Variants in COL5A2 observed in about 807,000 individuals in gnomAD.
COL5A2 encodes the protein collagen type V alpha 2 chain.
A neutral mutation model predicts 208.2 loss-of-function variants in COL5A2; 23 were observed. The ratio of observed to expected loss-of-function variants is 0.11; its 90% confidence interval spans 0.08 to 0.16. The LOEUF is 0.16. COL5A2 is among the 10% of genes least tolerant of loss of function. The probability of loss-of-function intolerance (pLI) is 1.00; values close to 1 mark genes in which losing one functional copy is unlikely to be tolerated. For synonymous variants in COL5A2, 625 were observed against 628.5 expected (o/e 0.99, Z 0.08); for missense variants, 1,590 against 1,956.4 (o/e 0.81, Z 3.53).
the COL5A2 span, among the ~76,000 whole-genome samples, chr2:189,306,475 C>A: frequency 2.0e-5 from 3 of 152,200 alleles, no homozygotes; most frequent in Non-Finnish European, 4.4e-5. Context: ...ATAATAAATG[C>A]ATCTTCATCA....
the COL5A2 span, among the ~76,000 whole-genome samples, chr2:189,387,129 C>T: frequency 4.0e-5 from 6 of 151,488 alleles, no homozygotes; most frequent in African/African-American, 1.5e-4. Flanking sequence ...GAATATTATA[C>T]AGTCATAAAA....
intron 1 of COL5A2, among the ~76,000 whole-genome samples, chr2:189,207,536 A>G (rs536195035): frequency 1.3e-5 from 2 of 152,352 alleles, no homozygotes; most frequent in African/African-American, 2.4e-5. Context: ...TAAGGTTTGC[A>G]AAGATCAATA....
At chr2:189,364,783 A>G in the COL5A2 span, among the ~76,000 whole-genome samples, 64 of 152,358 alleles carry the variant, frequency 4.2e-4, no homozygotes, top group African/African-American at 1.5e-3. Flanking sequence ...ATACTTGACC[A>G]GTATTCCTCA....
At chr2:189,086,686 G>GT (rs1293214435) in intron 9 of COL5A2, 40 bp downstream of exon 9, 23 of 1,494,344 alleles carry the variant, frequency 1.5e-5, no homozygotes, top group Non-Finnish European at 2.1e-5. Flanking sequence ...GTGTGTGTAT[G>GT]TTTTTCTTAC....
chr2:189,289,167 C>T, the COL5A2 span, among the ~76,000 whole-genome samples: 1 of 151,858 alleles, frequency 6.6e-6, no homozygotes, highest in Admixed American at 6.6e-5. Context: ...CATGGTGAAA[C>T]CCTGTCTCTA....
chr2:189,216,603 A>G (rs1689282412), intron 1 of COL5A2, among the ~76,000 whole-genome samples: 1 of 152,128 alleles, frequency 6.6e-6, no homozygotes, highest in Non-Finnish European at 1.5e-5. Flanking sequence ...GAGGGCAGAT[A>G]GTAGGATTCA....
Position 189,112,919 on chromosome 2 carries a change from T to C in COL5A2, c.98-2470A>G, listed in dbSNP as rs374048949. Among the ~76,000 whole-genome samples the C allele has an allele frequency of 1.8e-4, 28 of 152,330 alleles. 1 individual carries two copies. Among genetic ancestry groups the C allele is most frequent in the Middle Eastern group, 3.4e-3 (1 of 294 alleles). On this transcript the variant is annotated intron_variant, in intron 1 of 53. Transcript: ENST00000374866. ...CTGTATAAAAATGGGCTTATGTCTA[T>C]AGTTCACTGAACAATTCCATTAAGT...
chr2:189,100,070 T>C (rs1687017011), intron 4 of COL5A2, 37 bp downstream of exon 4: 1 of 1,527,056 alleles, frequency 6.5e-7, no homozygotes, highest in Admixed American at 1.7e-5. Flanking sequence ...TAAGTTTATT[T>C]AAGGTACAAG....
At chr2:189,298,789 G>A in the COL5A2 span, among the ~76,000 whole-genome samples, 1 of 152,138 alleles carries the variant, frequency 6.6e-6, no homozygotes, top group African/African-American at 2.4e-5. Context: ...CTCCCCTAAG[G>A]AGGAGTAAGG....
At chr2:189,061,677 C>T (rs961854608) in intron 29 of COL5A2, 62 bp from the exon 30 acceptor site, 27 of 1,163,562 alleles carry the variant, frequency 2.3e-5, no homozygotes, top group Middle Eastern at 1.9e-4. Context: ...TTCCTCTCTA[C>T]GTGAACCACT....
chr2:189,352,665 T>A, the COL5A2 span, among the ~76,000 whole-genome samples: 1 of 152,338 alleles, frequency 6.6e-6, no homozygotes, highest in East Asian at 1.9e-4. Flanking sequence ...TGTAAATGTG[T>A]TTAAGTTCTT....
At chr2:189,089,698 C>T (rs1048105553) in intron 7 of COL5A2, among the ~76,000 whole-genome samples, 3 of 152,134 alleles carry the variant, frequency 2.0e-5, no homozygotes, top group African/African-American at 7.2e-5. Context: ...CTGTGTCACA[C>T]TTTGGTAGTT....
chr2:189,157,020 T>C (rs574974004), intron 1 of COL5A2, among the ~76,000 whole-genome samples: 1 of 149,710 alleles, frequency 6.7e-6, no homozygotes, highest in South Asian at 2.1e-4. Context: ...TGTTTTTTAC[T>C]CATCTCCACA....
At chr2:189,380,394 T>C in the COL5A2 span, among the ~76,000 whole-genome samples, 2 of 151,848 alleles carry the variant, frequency 1.3e-5, no homozygotes, top group Non-Finnish European at 1.5e-5. Flanking sequence ...ATAGAAAAAG[T>C]TATAAAAATG....
intron 1 of COL5A2, among the ~76,000 whole-genome samples, chr2:189,172,278 T>C (rs1688587027): frequency 6.6e-6 from 1 of 152,070 alleles, no homozygotes; most frequent in Admixed American, 6.5e-5. Flanking sequence ...AGAGCATGAC[T>C]GATGGAACAA....
At chr2:189,235,797 T>A in the COL5A2 span, among the ~76,000 whole-genome samples, 1 of 151,698 alleles carries the variant, frequency 6.6e-6, no homozygotes, top group East Asian at 1.9e-4. Context: ...CATACTGCTA[T>A]CCCTAGACAA....
chr2:189,152,057 T>G (rs1309408338), intron 1 of COL5A2, among the ~76,000 whole-genome samples: 1 of 152,140 alleles, frequency 6.6e-6, no homozygotes, highest in African/African-American at 2.4e-5. Context: ...AACAGAATTC[T>G]TCAAAATCTC....
chr2:189,213,929 C>A (rs1170081144), intron 1 of COL5A2, among the ~76,000 whole-genome samples: 1 of 152,004 alleles, frequency 6.6e-6, no homozygotes, highest in Non-Finnish European at 1.5e-5. Context: ...AGGCTATTTG[C>A]CTTATTATAT....
chr2:189,352,414 A>G, the COL5A2 span, among the ~76,000 whole-genome samples: 1 of 152,204 alleles, frequency 6.6e-6, no homozygotes, highest in Non-Finnish European at 1.5e-5. Context: ...TTACACTCCC[A>G]CCAGCAGTGT....
Sources: allele counts gnomAD v4.1 joint callset (sites outside exome capture counted in the v4.1 genomes callset), GRCh38; gene constraint gnomAD v4.1.1; transcripts MANE v1.5; gene names NCBI Gene and HGNC (gene_info 2026-07-23, HGNC 2026-07-21).